The following CAMKMT variants were observed in gnomAD, a reference collection of about 807,000 sequenced individuals.
CAMKMT encodes the protein calmodulin-lysine N-methyltransferase.
A neutral mutation model predicts 48.0 loss-of-function variants in CAMKMT; 53 were observed. The ratio of observed to expected loss-of-function variants is 1.10; its 90% CI spans 0.89 to 1.39. CAMKMT has a LOEUF of 1.39. CAMKMT is among the 40% of genes most tolerant of loss of function. CAMKMT has a pLI of 0.00. For synonymous variants in CAMKMT, 165 were observed against 152.3 expected, an observed-to-expected ratio of 1.08 and a Z score of -0.61; for missense variants, 428 against 402.7, an observed-to-expected ratio of 1.06 and a Z score of -0.54.
rs537053790 is a variant in CAMKMT at position 44,565,957 on chromosome 2, C to T, written c.377-138326C>T. Among the ~76,000 whole-genome samples the T allele has an allele frequency of 1.1e-4, 17 of 152,238 alleles. No individual in the cohort carries two copies. In the East Asian group the frequency reaches 3.3e-3, roughly 29 times the overall value. On this transcript the variant is annotated intron_variant, in intron 3 of 10. Coordinates refer to ENST00000378494, the MANE Select transcript of CAMKMT (RefSeq NM_024766.5). ...ATGCCACAACATGTGTTTGTGTAACCGCACATGCATGTGTACGTGGCTTGT... is the reference window on the plus strand; with the variant it reads ...ATGCCACAACATGTGTTTGTGTAACTGCACATGCATGTGTACGTGGCTTGT...
intron 3 of CAMKMT, among the ~76,000 whole-genome samples, chr2:44,616,555 G>T (rs183318263): frequency 1.3e-5 from 2 of 151,652 alleles, no homozygotes; most frequent in East Asian, 3.9e-4. Context: ...TGATTCACCA[G>T]AAAAGGTGAT....
In CAMKMT at chr2:44,673,471, G is replaced by GGAAGGAAGGAAGGA. The variant is rs1553435760; in HGVS notation, c.377-30812_377-30811insGAAGGAAGGAAGGA. Among the ~76,000 whole-genome samples the GGAAGGAAGGAAGGA allele has an allele frequency of 5.1e-5, 6 of 116,864 alleles. No homozygotes were observed. The East Asian group carries it at 1.3e-3, about 25-fold the overall frequency. 76.7% of individuals were successfully genotyped at this position (116,864 alleles called of 152,430 possible). ...AGAGAGAAAGAGAAAGAAAGAGAGA[G>GGAAGGAAGGAAGGA]AGGAAGGAAGGAAGGAAGGAAGGAA... On this transcript the variant is annotated intron_variant, in intron 3 of 10. Coordinates refer to ENST00000378494, the MANE Select transcript of CAMKMT (RefSeq NM_024766.5).
At chr2:44,728,554 T>G (rs1451649534) in intron 7 of CAMKMT, among the ~76,000 whole-genome samples, 3 of 151,804 alleles carry the variant, frequency 2.0e-5, no homozygotes, top group Non-Finnish European at 4.4e-5. Context: ...GGTCCAGGGC[T>G]TTTTTTTGTT....
At chr2:44,720,356 G>T (rs771428145) in intron 7 of CAMKMT, among the ~76,000 whole-genome samples, 21 of 152,098 alleles carry the variant, frequency 1.4e-4, no homozygotes, top group Non-Finnish European at 3.1e-4. Context: ...AATAGGCCAG[G>T]TGCTGTATTG....
chr2:44,630,326 A>G (rs1672740639), intron 3 of CAMKMT, among the ~76,000 whole-genome samples: 1 of 152,240 alleles, frequency 6.6e-6, no homozygotes. Flanking sequence ...CATTCAGGAC[A>G]CAGGCACGGG....
At chr2:44,593,992 A>G (rs112164872) in intron 3 of CAMKMT, among the ~76,000 whole-genome samples, 98 of 151,942 alleles carry the variant, frequency 6.4e-4, no homozygotes, top group African/African-American at 2.3e-3. Flanking sequence ...CGAACTCCCC[A>G]CCTCAGGTGA....
chr2:44,608,396 G>T lies in CAMKMT; in HGVS notation c.377-95887G>T, dbSNP rs576102110. On this transcript the variant is annotated intron_variant, in intron 3 of 10. Coordinates refer to ENST00000378494, the MANE Select transcript of CAMKMT (RefSeq NM_024766.5). Reference sequence around the variant, plus strand: ...CTATTTTCCTTTTTTGTACTTTTAAGTTTTATTTTTTTAAAATTGACAAAT... The same window carrying T: ...CTATTTTCCTTTTTTGTACTTTTAATTTTTATTTTTTTAAAATTGACAAAT... Among the ~76,000 whole-genome samples, 8 of 151,868 alleles carry T rather than the reference G, an allele frequency of 5.3e-5. No individual in the cohort carries two copies. The South Asian group carries it at 1.7e-3, about 32-fold the overall frequency.
At chr2:44,757,809 C>T (rs979416956) in intron 9 of CAMKMT, among the ~76,000 whole-genome samples, 11 of 152,110 alleles carry the variant, frequency 7.2e-5, no homozygotes, top group African/African-American at 2.7e-4. Context: ...TGATCCACCC[C>T]TGCCCCGACC....
chr2:44,668,910 T>C (rs1467988981), intron 3 of CAMKMT, among the ~76,000 whole-genome samples: 1 of 152,064 alleles, frequency 6.6e-6, no homozygotes, highest in African/African-American at 2.4e-5. Context: ...GCCTCCCAAG[T>C]AGCTGGGACT....
intron 6 of CAMKMT, among the ~76,000 whole-genome samples, chr2:44,710,160 A>G (rs999916510): frequency 6.6e-6 from 1 of 150,462 alleles, no homozygotes; most frequent in African/African-American, 2.4e-5. Context: ...TATTATTTCT[A>G]TTTGTTTTAG....
At chr2:44,474,789 G>A (rs1668601566) in intron 3 of CAMKMT, among the ~76,000 whole-genome samples, 1 of 152,120 alleles carries the variant, frequency 6.6e-6, no homozygotes, top group Admixed American at 6.6e-5. Flanking sequence ...TGCACTAACA[G>A]CACTGTAAAT....
At chr2:44,560,415 A>G (rs959050410) in intron 3 of CAMKMT, among the ~76,000 whole-genome samples, 1 of 152,210 alleles carries the variant, frequency 6.6e-6, no homozygotes, top group Non-Finnish European at 1.5e-5. Flanking sequence ...CTACAGGAGC[A>G]TACCACTATG....
chr2:44,412,622 C>T (rs59154240), intron 3 of CAMKMT, among the ~76,000 whole-genome samples: 6,872 of 152,098 alleles, frequency 0.045, 472 homozygotes, highest in African/African-American at 0.16. Flanking sequence ...AGGCGTGAGC[C>T]ACTGGGCCCA....
intron 2 of CAMKMT, among the ~76,000 whole-genome samples, chr2:44,373,375 T>C (rs1050387664): frequency 2.0e-5 from 3 of 152,190 alleles, no homozygotes; most frequent in African/African-American, 7.2e-5. Context: ...GTAAGAAGCA[T>C]ATGGACTGTT....
At chr2:44,622,315 A>G (rs1672244346) in intron 3 of CAMKMT, among the ~76,000 whole-genome samples, 1 of 152,142 alleles carries the variant, frequency 6.6e-6, no homozygotes, top group Non-Finnish European at 1.5e-5. Flanking sequence ...CAATGCACCC[A>G]TTTTATTTTT....
chr2:44,654,569 A>G (rs1015011678), intron 3 of CAMKMT, among the ~76,000 whole-genome samples: 1 of 152,078 alleles, frequency 6.6e-6, no homozygotes, highest in African/African-American at 2.4e-5. Flanking sequence ...CTGGAGTACA[A>G]TGGCATGATC....
chr2:44,593,012 T>A (rs1191739247), intron 3 of CAMKMT, among the ~76,000 whole-genome samples: 7 of 152,224 alleles, frequency 4.6e-5, no homozygotes. Context: ...TTAAAATCTC[T>A]GACTATAATG....
intron 3 of CAMKMT, among the ~76,000 whole-genome samples, chr2:44,401,322 T>C (rs968698691): frequency 3.3e-5 from 5 of 151,626 alleles, no homozygotes; most frequent in Admixed American, 6.6e-5. Context: ...CTTTGGGAGG[T>C]GAGGCGGGTG....
chr2:44,595,333 C>T (rs188883050), intron 3 of CAMKMT, among the ~76,000 whole-genome samples: 11 of 152,224 alleles, frequency 7.2e-5, no homozygotes, highest in Admixed American at 5.2e-4. Context: ...AATGAACTCC[C>T]GACCGCAGGT....
Sources: allele counts gnomAD v4.1 joint callset (sites outside exome capture counted in the v4.1 genomes callset), GRCh38; gene constraint gnomAD v4.1.1; transcripts MANE v1.5; gene names NCBI Gene and HGNC (gene_info 2026-07-23, HGNC 2026-07-21).